Variants in MAST4 observed in about 807,000 individuals in gnomAD.
MAST4 encodes the protein microtubule-associated serine/threonine-protein kinase 4.
Under a neutral mutation model 162.7 loss-of-function variants are expected in MAST4, and 89 were observed. The ratio of observed to expected loss-of-function variants is 0.55; its 90% CI spans 0.46 to 0.65. The LOEUF is 0.65. Ranked by LOEUF, MAST4 falls within the 30% of genes least tolerant of loss-of-function variation. The pLI, the probability that MAST4 is intolerant of heterozygous loss-of-function variation, is 0.00. For synonymous variants in MAST4, 1,479 were observed against 1,361.1 expected (o/e 1.09, Z -1.91); for missense variants, 3,153 against 3,374.0 (o/e 0.93, Z 1.62).
chr5:66,641,948 T>C (rs1206606283), intron 1 of MAST4, among the ~76,000 whole-genome samples: 1 of 152,224 alleles, frequency 6.6e-6, no homozygotes, highest in East Asian at 1.9e-4. Flanking sequence ...GGATGATGAA[T>C]AGTTAATAAT....
intron 4 of MAST4, among the ~76,000 whole-genome samples, chr5:66,998,595 C>G (rs983214004): frequency 2.0e-5 from 3 of 152,116 alleles, no homozygotes; most frequent in Non-Finnish European, 4.4e-5. Context: ...GCAGGTAGCC[C>G]TAACTTTGTT....
chr5:66,755,967 T>C (rs75973203), intron 1 of MAST4, among the ~76,000 whole-genome samples: 4,736 of 152,276 alleles, frequency 0.031, 165 homozygotes, highest in African/African-American at 0.09. Context: ...ATACAGAAAA[T>C]CTAGGTATAG....
intron 3 of MAST4, among the ~76,000 whole-genome samples, chr5:66,882,693 A>G (rs1761767692): frequency 6.6e-6 from 1 of 152,162 alleles, no homozygotes; most frequent in Non-Finnish European, 1.5e-5. Flanking sequence ...CTGTCTGATA[A>G]CACCAGCATC....
chr5:67,118,059 A>G (rs1420947687), intron 12 of MAST4, among the ~76,000 whole-genome samples: 1 of 152,242 alleles, frequency 6.6e-6, no homozygotes, highest in Non-Finnish European at 1.5e-5. Context: ...ACTCTAAGAA[A>G]TAAGTAAGGT....
intron 2 of MAST4, among the ~76,000 whole-genome samples, chr5:66,787,178 C>T (rs1201580577): frequency 6.6e-6 from 1 of 152,172 alleles, no homozygotes; most frequent in African/African-American, 2.4e-5. Flanking sequence ...ACTGTACTTA[C>T]AAAATTCTCT....
intron 3 of MAST4, among the ~76,000 whole-genome samples, chr5:66,814,045 G>A (rs1756603065): frequency 6.6e-6 from 1 of 152,122 alleles, no homozygotes; most frequent in Non-Finnish European, 1.5e-5. Context: ...GACCTGATCC[G>A]GGGGACCTGT....
intron 7 of MAST4, 98 bp downstream of exon 7, chr5:67,095,773 A>G: frequency 1.1e-6 from 1 of 883,120 alleles, no homozygotes; most frequent in East Asian, 2.7e-5. Context: ...TAGGGAGGAG[A>G]AGATAAATTC....
At chr5:66,601,865 C>A (rs1489255988) in intron 1 of MAST4, among the ~76,000 whole-genome samples, 1 of 152,138 alleles carries the variant, frequency 6.6e-6, no homozygotes, top group Non-Finnish European at 1.5e-5. Flanking sequence ...AGCCCACCTG[C>A]TGGGAACTGT....
intron 4 of MAST4, among the ~76,000 whole-genome samples, chr5:67,041,937 G>A (rs1212532138): frequency 6.6e-6 from 1 of 152,140 alleles, no homozygotes; most frequent in East Asian, 1.9e-4. Context: ...CATGATTATT[G>A]ATATTATTAT....
intron 1 of MAST4, among the ~76,000 whole-genome samples, chr5:66,665,258 T>C (rs1747176977): frequency 6.6e-6 from 1 of 152,244 alleles, no homozygotes; most frequent in Admixed American, 6.5e-5. Context: ...GCTTATATGC[T>C]GATAGGAATG....
At chr5:66,828,686 G>A (rs1351559839) in intron 3 of MAST4, 3 of 1,070,158 alleles carry the variant, frequency 2.8e-6, no homozygotes, top group South Asian at 3.2e-5. Context: ...AGTTGCTGGA[G>A]TGAATAACTA....
At chr5:67,054,991 A>G (rs922562805) in intron 5 of MAST4, among the ~76,000 whole-genome samples, 22 of 151,998 alleles carry the variant, frequency 1.4e-4, no homozygotes, top group Non-Finnish European at 3.1e-4. Flanking sequence ...TAGACAATGA[A>G]AACTGCTTTA....
chr5:66,697,275 T>C (rs1412862266), intron 1 of MAST4, among the ~76,000 whole-genome samples: 1 of 152,262 alleles, frequency 6.6e-6, no homozygotes, highest in East Asian at 1.9e-4. Flanking sequence ...TTGGAACATC[T>C]GTATAACTTA....
chr5:66,906,302 G>A (rs1644104798), intron 4 of MAST4, among the ~76,000 whole-genome samples: 1 of 152,184 alleles, frequency 6.6e-6, no homozygotes, highest in African/African-American at 2.4e-5. Flanking sequence ...GTTTACTTTG[G>A]AATGCCATTG....
intron 5 of MAST4, among the ~76,000 whole-genome samples, chr5:67,063,408 G>GAAGTCTTT (rs976418364): frequency 1.3e-5 from 2 of 151,980 alleles, no homozygotes; most frequent in Non-Finnish European, 2.9e-5. Context: ...TATCATTTTG[G>GAAGTCTTT]CCCTTTAGGA....
At chr5:66,690,426 G>A (rs1464683868) in intron 1 of MAST4, among the ~76,000 whole-genome samples, 6 of 152,100 alleles carry the variant, frequency 3.9e-5, no homozygotes, top group African/African-American at 1.2e-4. Flanking sequence ...TTCATTGTCC[G>A]GGATTAGAAA....
intron 3 of MAST4, among the ~76,000 whole-genome samples, chr5:66,875,369 C>T (rs1177558957): frequency 6.6e-6 from 1 of 152,152 alleles, no homozygotes; most frequent in African/African-American, 2.4e-5. Context: ...TGTGTTTTTA[C>T]ATCAGTCATC....
Position 67,156,374 on chromosome 5 carries a change from A to C in MAST4, c.3648+2794A>C, listed in dbSNP as rs1379138782. Among the ~76,000 whole-genome samples, 4 of 152,310 alleles carry C rather than the reference A, an allele frequency of 2.6e-5. No homozygotes were observed. In the South Asian group the frequency reaches 8.3e-4, roughly 32 times the overall value. On this transcript the variant is annotated intron_variant, in intron 26 of 28. Coordinates refer to ENST00000403625, the MANE Select transcript of MAST4 (RefSeq NM_001164664.2). ...ACACTGCTCTACATGTGTGCTGTAC[A>C]TACTCTCCAGCTGCCAGTAACTTAA... is the stretch of plus-strand genomic sequence containing the variant.
Position 66,747,223 on chromosome 5 carries a change from TGGAAG to T in MAST4, c.364-12481_364-12477del, listed in dbSNP as rs199596017. Among the ~76,000 whole-genome samples the T allele has an allele frequency of 3.9e-3, 593 of 152,152 alleles. 4 individuals carry two copies. Among genetic ancestry groups the T allele is most frequent in the Middle Eastern group, 0.034 (10 of 294 alleles). ...AAAGTGCTAATATACATATTTCTCT[TGGAAG>T]GGAACAGAGAAAATCAATTCTCTTA... On this transcript the variant is annotated intron_variant, in intron 1 of 28. Transcript: ENST00000403625.
Sources: allele counts gnomAD v4.1 joint callset (sites outside exome capture counted in the v4.1 genomes callset), GRCh38; gene constraint gnomAD v4.1.1; transcripts MANE v1.5; gene names NCBI Gene and HGNC (gene_info 2026-07-23, HGNC 2026-07-21).